LRRTM4: variants seen among roughly 807,000 people sequenced by gnomAD.
LRRTM4 encodes leucine rich repeat transmembrane neuronal 4.
A neutral mutation model predicts 47.6 loss-of-function variants in LRRTM4; 25 were observed. That is an observed-to-expected ratio of 0.53 (90% CI 0.38 to 0.73). The LOEUF (loss-of-function observed/expected upper bound fraction) is 0.73, where lower values mean the gene tolerates loss of function less well. LRRTM4 is among the 30% of genes least tolerant of loss of function. The pLI is 0.00. For synonymous variants in LRRTM4, 311 were observed against 269.5 expected (o/e 1.15, Z -1.51); for missense variants, 638 against 713.4 (o/e 0.89, Z 1.20).
At chr2:77,149,907 T>G (rs1672369471) in intron 3 of LRRTM4, among the ~76,000 whole-genome samples, 1 of 152,154 alleles carries the variant, frequency 6.6e-6, no homozygotes, top group South Asian at 2.1e-4. Flanking sequence ...GGAGCCCACA[T>G]AGCTCACTTA....
At position 76,888,029 on chromosome 2, in the gene LRRTM4, C is replaced by G. The variant is rs570401909; in HGVS notation, c.1552-139113G>C. Among the ~76,000 whole-genome samples, 6 of 149,440 alleles carry G rather than the reference C, an allele frequency of 4.0e-5. No individual in the cohort carries two copies. The East Asian group carries it at 5.9e-4, about 15-fold the overall frequency. ...AATGGTGTGTCCATCTCTGCACACA[C>G]TGTGTGTGTGTATATATACATATAT... On this transcript the variant is annotated intron_variant, in intron 3 of 3. Coordinates refer to ENST00000409884, the MANE Select transcript of LRRTM4 (RefSeq NM_001134745.3).
At chr2:76,753,223 A>G (rs2104058548) in intron 3 of LRRTM4, among the ~76,000 whole-genome samples, 1 of 152,298 alleles carries the variant, frequency 6.6e-6, no homozygotes, top group East Asian at 1.9e-4. Context: ...CTCTGAAAAT[A>G]GGGATAATAA....
At chr2:77,170,248 T>C (rs1673009180) in intron 3 of LRRTM4, among the ~76,000 whole-genome samples, 1 of 152,056 alleles carries the variant, frequency 6.6e-6, no homozygotes, top group African/African-American at 2.4e-5. Context: ...GAGATGTATG[T>C]GAGAAAAACT....
chr2:76,968,671 G>A (rs1034265505), intron 3 of LRRTM4, among the ~76,000 whole-genome samples: 1 of 151,572 alleles, frequency 6.6e-6, no homozygotes, highest in Non-Finnish European at 1.5e-5. Context: ...GAGGACAGGT[G>A]AAGAAAAGAT....
rs71940379 is a variant in LRRTM4, at chr2:76,807,435, T to TAC, written c.1552-58521_1552-58520dup. ...ATATATATATATATACATATATATATACGTATATACATATATATATATACA... is the reference window on the plus strand; with the variant it reads ...ATATATATATATATACATATATATATACACGTATATACATATATATATATACA... On this transcript the variant is annotated intron_variant, in intron 3 of 3. Transcript: ENST00000409884. Among the ~76,000 whole-genome samples, 396 of 64,896 alleles carry TAC rather than the reference T, an allele frequency of 6.1e-3. 6 individuals are homozygous for TAC. Among genetic ancestry groups the TAC allele is most frequent in the South Asian group, 0.053 (81 of 1,528 alleles). 42.6% of individuals were successfully genotyped at this position (64,896 alleles called of 152,430 possible).
chr2:77,366,878 G>GC (rs1384859102), intron 3 of LRRTM4, among the ~76,000 whole-genome samples: 3 of 151,664 alleles, frequency 2.0e-5, no homozygotes, highest in Non-Finnish European at 2.9e-5. Context: ...TGGTCGTTTA[G>GC]CCCCCCATCT....
chr2:76,789,967 T>G (rs933154891), intron 3 of LRRTM4, among the ~76,000 whole-genome samples: 1 of 152,148 alleles, frequency 6.6e-6, no homozygotes, highest in African/African-American at 2.4e-5. Context: ...GGTTGCTTGT[T>G]TGGATGAGTT....
At chr2:77,450,944 A>G (rs1241198255) in intron 3 of LRRTM4, among the ~76,000 whole-genome samples, 1 of 152,152 alleles carries the variant, frequency 6.6e-6, no homozygotes, top group Non-Finnish European at 1.5e-5. Flanking sequence ...TGTATTTAGC[A>G]TTCAAAGAGT....
chr2:76,851,538 C>T (rs189938750), intron 3 of LRRTM4, among the ~76,000 whole-genome samples: 31 of 151,940 alleles, frequency 2.0e-4, no homozygotes, highest in African/African-American at 6.0e-4. Flanking sequence ...CTAGACCCAA[C>T]GAGAAGGAAG....
At chr2:76,798,491 G>C (rs375289729) in intron 3 of LRRTM4, among the ~76,000 whole-genome samples, 21,756 of 147,774 alleles carry the variant, frequency 0.15, 1,381 homozygotes, top group African/African-American at 0.19. Flanking sequence ...GCCCACAAGA[G>C]AAAGCAGGAA....
At chr2:77,391,156 C>A (rs1316341896) in intron 3 of LRRTM4, among the ~76,000 whole-genome samples, 1 of 151,944 alleles carries the variant, frequency 6.6e-6, no homozygotes, top group Non-Finnish European at 1.5e-5. Context: ...CTTATGAAAT[C>A]TACTGCTTGA....
intron 3 of LRRTM4, among the ~76,000 whole-genome samples, chr2:77,438,090 G>C (rs79770031): frequency 6.6e-6 from 1 of 152,016 alleles, no homozygotes; most frequent in Non-Finnish European, 1.5e-5. Flanking sequence ...TTATTTCAGA[G>C]TCTATAAAAT....
chr2:76,918,053 T>A (rs1674313506), intron 3 of LRRTM4, among the ~76,000 whole-genome samples: 1 of 152,188 alleles, frequency 6.6e-6, no homozygotes, highest in African/African-American at 2.4e-5. Context: ...AAGACACCAT[T>A]TGATATTTTA....
intron 3 of LRRTM4, among the ~76,000 whole-genome samples, chr2:77,111,583 C>T (rs1001958802): frequency 2.0e-5 from 3 of 152,052 alleles, no homozygotes; most frequent in African/African-American, 7.2e-5. Context: ...TCTCTCACTC[C>T]TGTGCTGTCC....
chr2:76,912,623 G>A (rs1271288670), intron 3 of LRRTM4, among the ~76,000 whole-genome samples: 1 of 152,134 alleles, frequency 6.6e-6, no homozygotes, highest in East Asian at 1.9e-4. Flanking sequence ...GATATGGTTT[G>A]GATCTGTGTC....
At chr2:77,042,286 G>T (rs746259193) in intron 3 of LRRTM4, among the ~76,000 whole-genome samples, 1 of 151,236 alleles carries the variant, frequency 6.6e-6, no homozygotes, top group Non-Finnish European at 1.5e-5. Context: ...AGAAAAAATA[G>T]AAAGAAAGAA....
At chr2:76,794,277 T>C (rs1234934473) in intron 3 of LRRTM4, among the ~76,000 whole-genome samples, 2 of 152,184 alleles carry the variant, frequency 1.3e-5, no homozygotes, top group East Asian at 3.9e-4. Context: ...AGGAGCTGTG[T>C]CCTTAGATCG....
At chr2:77,252,726 A>T (rs1675654806) in intron 3 of LRRTM4, among the ~76,000 whole-genome samples, 1 of 152,126 alleles carries the variant, frequency 6.6e-6, no homozygotes, top group Non-Finnish European at 1.5e-5. Flanking sequence ...GAGGGAAAAG[A>T]GTGGTGACTA....
intron 3 of LRRTM4, among the ~76,000 whole-genome samples, chr2:76,835,003 G>C (rs1671468410): frequency 1.3e-5 from 2 of 152,182 alleles, no homozygotes; most frequent in South Asian, 4.1e-4. Flanking sequence ...TCCATCAAGA[G>C]AGATCATCCC....
Sources: gnomAD v4.1 joint callset for allele counts (sites outside exome capture counted in the v4.1 genomes callset) on GRCh38, gnomAD v4.1.1 for gene constraint, MANE v1.5 for transcripts, NCBI Gene and HGNC (gene_info 2026-07-23, HGNC 2026-07-21) for gene names.